Variants in HSPA12B observed in about 807,000 individuals in gnomAD.
HSPA12B encodes heat shock 70 kDa protein 12B.
Under a neutral mutation model 69.3 loss-of-function variants are expected in HSPA12B, and 54 were observed. The ratio of observed to expected loss-of-function variants is 0.78; its 90% CI spans 0.63 to 0.98. HSPA12B has a LOEUF of 0.98. Ranked by LOEUF, HSPA12B falls within the 50% of genes least tolerant of loss-of-function variation. HSPA12B has a pLI of 0.00. For missense variants in HSPA12B, 929 were observed against 999.8 expected (o/e 0.93, Z 0.96); for synonymous variants, 441 against 436.5 (o/e 1.01, Z -0.13).
Position 3,750,210 on chromosome 20 carries a change from CGCTCTGCGCAGGAGCAGGTGGGTCCTGA to C in HSPA12B, c.1287_1301+13del. The C allele has an allele frequency of 6.2e-7, 1 of 1,604,698 alleles. No individual in the cohort carries two copies. Among genetic ancestry groups the C allele is most frequent in the South Asian group, 1.1e-5 (1 of 90,658 alleles). On this transcript the variant is annotated splice_donor_variant and splice_donor_5th_base_variant and coding_sequence_variant and intron_variant, in exon 11 of 13. Transcript: ENST00000254963. LOFTEE classifies it high-confidence loss of function. ...AGCAGCGGGGCCACAACGTGGAGAC[CGCTCTGCGCAGGAGCAGGTGGGTCCTGA>C]GCCCGCGGGCTCAGGCAGGGTTTGC...
rs1340584981 is a variant in HSPA12B, at chr20:3,749,760, C to T, written c.948C>T (p.Tyr316=). 2 of 1,596,816 alleles carry T rather than the reference C, an allele frequency of 1.3e-6. No individual in the cohort carries two copies. The highest frequency in any genetic ancestry group is 3.4e-5 in the Admixed American group (2 of 58,424). Residue 316 remains tyrosine, a synonymous_variant, in exon 10 of 13, where the codon TAC becomes TAT. Coordinates refer to ENST00000254963, the MANE Select transcript of HSPA12B (RefSeq NM_052970.5). This position sits in a 1 kb window ranked among gnomAD's most constrained non-coding sequence, Gnocchi z 5.5. ...LWAEMQAGDR[Y]VVADCGGGTV... is the part of the protein sequence containing the mutation. ...CGCTCGCCGCCGCAGGAGACCGCTA[C>T]GTGGTGGCCGACTGCGGCGGAGGCA...
At position 3,749,625 on chromosome 20, in the gene HSPA12B, TC is replaced by T; in HGVS notation, c.938-120del. The T allele has an allele frequency of 1.4e-6, 1 of 706,364 alleles. No homozygotes were observed. Among genetic ancestry groups the T allele is most frequent in the Non-Finnish European group, 2.3e-6 (1 of 431,854 alleles). The allele number at this position is 706,364 out of a possible 1,614,324, so 43.8% of individuals were successfully genotyped here. On this transcript the variant is annotated intron_variant, in intron 9 of 12. Transcript: ENST00000254963. The surrounding 1 kb of genome is among the most constrained non-coding windows in gnomAD (Gnocchi z 5.5). ...AAGCACCTGAAGCCCCTCACGTCCC[TC>T]CCCCGACCCTGCAGACAGGCCTTGG...
chr20:3,751,418 C>A, intron 12 of HSPA12B, 93 bp from the exon 13 acceptor site: 1 of 1,351,232 alleles, frequency 7.4e-7, no homozygotes, highest in South Asian at 1.9e-5. Flanking sequence ...GGGGAGGCGC[C>A]GGTGGCCGCC....
Position 3,749,740 on chromosome 20 carries a change from G to C in HSPA12B, c.938-10G>C. 6.4e-7 allele frequency: 1 copy of C among 1,569,768 alleles called. No homozygotes were observed. ...CGCCCACGAGTGTGTGCCCGCGCTC[G>C]CCGCCGCAGGAGACCGCTACGTGGT... On this transcript the variant is annotated splice_polypyrimidine_tract_variant and intron_variant, in intron 9 of 12. Transcript: ENST00000254963. This position sits in a 1 kb window ranked among gnomAD's most constrained non-coding sequence, Gnocchi z 5.5.
intron 11 of HSPA12B, 118 bp downstream of exon 11, chr20:3,750,345 C>T: frequency 8.9e-7 from 1 of 1,127,216 alleles, no homozygotes; most frequent in Non-Finnish European, 1.2e-6. Context: ...CACATATACA[C>T]TAAGCCAGCA....
chr20:3,745,693 G>C lies in HSPA12B; in HGVS notation c.558+96G>C. ...CCCATCCCGTCCCCGACATTGGATGGGTAGCCACCGCCGGAGCTCAGAGGT... is the reference window on the plus strand; with the variant it reads ...CCCATCCCGTCCCCGACATTGGATGCGTAGCCACCGCCGGAGCTCAGAGGT... On this transcript the variant is annotated intron_variant, in intron 6 of 12. Coordinates refer to ENST00000254963, the MANE Select transcript of HSPA12B (RefSeq NM_052970.5). This position sits in a 1 kb window ranked among gnomAD's most constrained non-coding sequence, Gnocchi z 5.6. 2 of 1,141,870 alleles carry C rather than the reference G, an allele frequency of 1.8e-6. No individual in the cohort carries two copies. The highest frequency in any genetic ancestry group is 1.3e-6 in the Non-Finnish European group (1 of 770,022). 70.7% of individuals were successfully genotyped at this position (1,141,870 alleles called of 1,614,324 possible).
rs1011242647 is a variant in HSPA12B at position 3,740,008 on chromosome 20, G to A, written c.44-807G>A. ...GGCAGGCCCTCCTGCCCCATAAGCC[G>A]CCTGATCCTCGGGGCGAGGCCTGGG... On this transcript the variant is annotated intron_variant, in intron 2 of 12. Coordinates refer to ENST00000254963, the MANE Select transcript of HSPA12B (RefSeq NM_052970.5). The surrounding 1 kb of genome is among the most constrained non-coding windows in gnomAD (Gnocchi z 4.9). Among the ~76,000 whole-genome samples the A allele has an allele frequency of 3.9e-5, 6 of 152,184 alleles. No individual in the cohort carries two copies. Among genetic ancestry groups the A allele is most frequent in the Non-Finnish European group, 5.9e-5 (4 of 68,034 alleles).
rs2088171279 is a variant in HSPA12B at position 3,739,989 on chromosome 20, C to T, written c.44-826C>T. 2.0e-5 allele frequency among the ~76,000 whole-genome samples: 3 copies of T among 152,336 alleles called. No individual in the cohort carries two copies. In the South Asian group the frequency reaches 6.2e-4, roughly 32 times the overall value. On this transcript the variant is annotated intron_variant, in intron 2 of 12. Coordinates refer to ENST00000254963, the MANE Select transcript of HSPA12B (RefSeq NM_052970.5). ...TGGTGGCAGCTACCAGCCAGGCAGGCCCTCCTGCCCCATAAGCCGCCTGAT... is the reference window on the plus strand; with the variant it reads ...TGGTGGCAGCTACCAGCCAGGCAGGTCCTCCTGCCCCATAAGCCGCCTGAT...
rs2088456753 is a variant in HSPA12B at position 3,753,098 on chromosome 20, A to T, written c.*932A>T. On this transcript the variant is annotated 3_prime_UTR_variant, in exon 13 of 13. Coordinates refer to ENST00000254963, the MANE Select transcript of HSPA12B (RefSeq NM_052970.5). Reference sequence around the variant, plus strand: ...GCCCTGAGGTGACAATAAAACATTTATGCTCAAGGGGAAGCCACAGCCTGC... The same window carrying T: ...GCCCTGAGGTGACAATAAAACATTTTTGCTCAAGGGGAAGCCACAGCCTGC... The T allele has an allele frequency of 6.5e-6, 1 of 152,828 alleles. No individual in the cohort carries two copies. Among genetic ancestry groups the T allele is most frequent in the African/African-American group, 2.4e-5 (1 of 41,442 alleles). The allele number at this position is 152,828 out of a possible 1,614,324, so 9.5% of individuals were successfully genotyped here.
At chr20:3,743,367 AT>A (rs35887491) in intron 4 of HSPA12B, among the ~76,000 whole-genome samples, 10 of 103,380 alleles carry the variant, frequency 9.7e-5, no homozygotes, top group South Asian at 3.3e-4. Context: ...AAAAAAAAAA[AT>A]TTTTTTTTGG....
At position 3,745,191 on chromosome 20, in the gene HSPA12B, A is replaced by T. The variant is rs562874858; in HGVS notation, c.453+103A>T. The stretch of plus-strand genomic sequence containing the variant: ...ACCAAAACGTGTGAGGACCGGCCCG[A>T]TGGAGTCGTGGCTGAGAGGGGGCGG... On this transcript the variant is annotated intron_variant, in intron 5 of 12. Transcript: ENST00000254963. The surrounding 1 kb of genome is among the most constrained non-coding windows in gnomAD (Gnocchi z 5.6). The T allele has an allele frequency of 2.7e-6, 3 of 1,092,228 alleles. No homozygotes were observed. The highest frequency in any genetic ancestry group is 2.7e-6 in the Non-Finnish European group (2 of 751,690). The allele number at this position is 1,092,228 out of a possible 1,614,324, so 67.7% of individuals were successfully genotyped here.
chr20:3,741,627 T>C (rs1212798635), intron 3 of HSPA12B, among the ~76,000 whole-genome samples: 1 of 152,118 alleles, frequency 6.6e-6, no homozygotes, highest in East Asian at 1.9e-4. Context: ...AGTGAGACCC[T>C]GTCTCAAATA....
In HSPA12B at chr20:3,750,127, C is replaced by T. The variant is rs1207415930; in HGVS notation, c.1201C>T (p.His401Tyr). The change falls in exon 11 of 13, where the codon CAC becomes TAC. Residue 401 changes from histidine to tyrosine, a missense_variant. His to Tyr is a moderately conservative substitution (Grantham distance 83). This residue lies in a region of HSPA12B where 448 missense variants were observed against 448.1 expected (regional missense o/e 1.00). Coordinates refer to ENST00000254963, the MANE Select transcript of HSPA12B (RefSeq NM_052970.5). ...FEARKRTAGP[H>Y]RAGALNISLP... ...GGCTCGCAAGCGCACTGCTGGCCCA[C>T]ACCGTGCAGGGGCGCTCAACATCTC... is the stretch of plus-strand genomic sequence containing the variant. 1.2e-6 allele frequency: 2 copies of T among 1,612,160 alleles called. No individual in the cohort carries two copies. Among genetic ancestry groups the T allele is most frequent in the Admixed American group, 3.3e-5 (2 of 59,906 alleles).
At position 3,749,429 on chromosome 20, in the gene HSPA12B, A is replaced by T; in HGVS notation, c.937+111A>T. 9.6e-7 allele frequency: 1 copy of T among 1,042,702 alleles called. No homozygotes were observed. 64.6% of individuals were successfully genotyped at this position (1,042,702 alleles called of 1,614,324 possible). A position where few individuals can be genotyped will look rare whatever the true frequency, so the allele number is the denominator to read the frequency against. ...CGTCTCTTCCTCCTCCATTCGCTGT[A>T]CCCAACCTGGCCGTCCCCTCACAGT... On this transcript the variant is annotated intron_variant, in intron 9 of 12. Coordinates refer to ENST00000254963, the MANE Select transcript of HSPA12B (RefSeq NM_052970.5). The surrounding 1 kb of genome is among the most constrained non-coding windows in gnomAD (Gnocchi z 5.5).
rs2146577706 is a variant in HSPA12B, at chr20:3,746,024, C to T, written c.668C>T (p.Ala223Val). 2 of 1,613,240 alleles carry T rather than the reference C, an allele frequency of 1.2e-6. No individual in the cohort carries two copies. The highest frequency in any genetic ancestry group is 1.1e-5 in the South Asian group (1 of 91,068). Residue 223 changes from alanine (A) to valine (V), a missense_variant, in exon 7 of 13, where the codon GCC (alanine) becomes GTC (valine). By Grantham distance (64) the Ala-to-Val change is moderately conservative (BLOSUM62 0). Coordinates refer to ENST00000254963, the MANE Select transcript of HSPA12B (RefSeq NM_052970.5). The stretch of plus-strand genomic sequence containing the variant: ...GCCAAGCAGTTCATGCGGGAGGCTG[C>T]CTACCTGGTGAGGACGTGCAGGCGG... ...QPAKQFMREA[A>V]YLAGLVSREN...
Position 3,744,619 on chromosome 20 carries a change from A to G in HSPA12B, c.267-283A>G, listed in dbSNP as rs931766893. Among the ~76,000 whole-genome samples the G allele has an allele frequency of 2.6e-5, 4 of 152,198 alleles. No individual in the cohort carries two copies. The highest frequency in any genetic ancestry group is 4.4e-5 in the Non-Finnish European group (3 of 68,036). On this transcript the variant is annotated intron_variant, in intron 4 of 12. Coordinates refer to ENST00000254963, the MANE Select transcript of HSPA12B (RefSeq NM_052970.5). The surrounding 1 kb of genome is among the most constrained non-coding windows in gnomAD (Gnocchi z 4.9). Reference sequence around the variant, plus strand: ...CCTTTCTCCATGCTCCCTTCCCTGCATTCTGTTGCTCCATGGGAGCCAGTG... The same window carrying G: ...CCTTTCTCCATGCTCCCTTCCCTGCGTTCTGTTGCTCCATGGGAGCCAGTG...
rs2088375665 is a variant in HSPA12B, at chr20:3,749,777, G to C, written c.965G>C (p.Gly322Ala). The C allele has an allele frequency of 1.2e-6, 2 of 1,604,292 alleles. No individual in the cohort carries two copies. Among genetic ancestry groups the C allele is most frequent in the Admixed American group, 1.7e-5 (1 of 59,416 alleles). ...AGDRYVVADC[G>A]GGTVDLTVHQ... ...GACCGCTACGTGGTGGCCGACTGCG[G>C]CGGAGGCACCGTGGACCTGACGGTG... The change falls in exon 10 of 13, where the codon GGC (glycine) becomes GCC (alanine). Residue 322 changes from glycine to alanine, a missense_variant. By Grantham distance (60) the Gly-to-Ala change is moderately conservative (BLOSUM62 0). Transcript: ENST00000254963. This position sits in a 1 kb window ranked among gnomAD's most constrained non-coding sequence, Gnocchi z 5.5.
In HSPA12B at chr20:3,752,078, A is replaced by G. The variant is rs1271558886; in HGVS notation, c.1973A>G (p.Gln658Arg). 6 of 1,531,712 alleles carry G rather than the reference A, an allele frequency of 3.9e-6. No individual in the cohort carries two copies. Among genetic ancestry groups the G allele is most frequent in the Non-Finnish European group, 5.2e-6 (6 of 1,147,484 alleles). The allele number at this position is 1,531,712 out of a possible 1,614,324, so 94.9% of individuals were successfully genotyped here. A position where few individuals can be genotyped will look rare whatever the true frequency, so the allele number is the denominator to read the frequency against. The change falls in exon 13 of 13, where the codon CAG (glutamine) becomes CGG (arginine). Residue 658 changes from glutamine (Q) to arginine (R), a missense_variant. Transcript: ENST00000254963. ...PGRREIRAAMQFGDTEIKVTA... is the reference protein window; with the variant it reads ...PGRREIRAAMRFGDTEIKVTA... ...CGCCGCGAGATCCGCGCCGCCATGC[A>G]GTTTGGCGACACCGAAATTAAGGTC... is the stretch of plus-strand genomic sequence containing the variant.
intron 1 of HSPA12B, among the ~76,000 whole-genome samples, chr20:3,735,112 G>A (rs1600304786): frequency 6.6e-6 from 1 of 152,114 alleles, no homozygotes; most frequent in Non-Finnish European, 1.5e-5. Context: ...TTCTCAGTAA[G>A]ACCAAAATAT....
Sources: gnomAD v4.1 joint callset for allele counts (sites outside exome capture counted in the v4.1 genomes callset) on GRCh38, gnomAD v4.1.1 for gene constraint, gnomAD v4.1.1 regional missense constraint, Gnocchi (gnomAD v3.1) non-coding constraint, MANE v1.5 for transcripts, NCBI Gene and HGNC (gene_info 2026-07-23, HGNC 2026-07-21) for gene names.